Variants in HS1BP3 observed in about 807,000 individuals in gnomAD.
HS1BP3 encodes HCLS1 binding protein 3, also known as HCLS1-binding protein 3.
A neutral mutation model predicts 33.5 loss-of-function variants in HS1BP3; 32 were observed. The observed-to-expected ratio is 0.95, with a 90% confidence interval of 0.72 to 1.28. The LOEUF is 1.28. Ranked by LOEUF, HS1BP3 falls within the 50% of genes most tolerant of loss-of-function variation. The pLI, the probability that HS1BP3 is intolerant of heterozygous loss-of-function variation, is 0.00. For missense variants in HS1BP3, 486 were observed against 502.3 expected (o/e 0.97, Z 0.31); for synonymous variants, 187 against 209.2 (o/e 0.89, Z 0.92).
intron 1 of HS1BP3, among the ~76,000 whole-genome samples, chr2:20,646,561 A>G (rs1296245867): frequency 1.3e-5 from 2 of 152,214 alleles, no homozygotes. Flanking sequence ...ATGACACCCA[A>G]TGACTGAGTG....
chr2:20,595,562 C>T (rs1188882421), intron 3 of HS1BP3, among the ~76,000 whole-genome samples: 16 of 152,226 alleles, frequency 1.1e-4, no homozygotes, highest in Admixed American at 1.0e-3. Context: ...GTGATTCTGG[C>T]CACAGCCCGT....
Position 20,651,089 on chromosome 2 carries a change from G to T in HS1BP3, c.-26C>A, listed in dbSNP as rs751333236. 146 of 1,229,090 alleles carry T rather than the reference G, an allele frequency of 1.2e-4. No homozygotes were observed. Among genetic ancestry groups the T allele is most frequent in the Non-Finnish European group, 1.4e-4 (141 of 986,086 alleles). The allele number at this position is 1,229,090 out of a possible 1,614,324, so 76.1% of individuals were successfully genotyped here. ...GACGGCGGCGGGGACTCCGGGCGGG[G>T]CGCGCAGTCACGGGACCCGGCAGTG... On this transcript the variant is annotated 5_prime_UTR_variant, in exon 1 of 7. Transcript: ENST00000304031.
At chr2:20,599,816 C>G (rs1694031005) in intron 2 of HS1BP3, among the ~76,000 whole-genome samples, 1 of 152,158 alleles carries the variant, frequency 6.6e-6, no homozygotes, top group Admixed American at 6.5e-5. Context: ...AGCTCCTGTG[C>G]CTCAGTTTCC....
chr2:20,582,078 C>A (rs1693548074), intron 5 of HS1BP3, among the ~76,000 whole-genome samples: 1 of 152,208 alleles, frequency 6.6e-6, no homozygotes. Context: ...ATTACATTTG[C>A]AAAATCCCTT....
chr2:20,598,248 G>C (rs933673405), exon 3 of HS1BP3: 2 of 388,086 alleles, frequency 5.2e-6, no homozygotes, highest in South Asian at 3.4e-5. Context: ...TTGTTTGCCT[G>C]CAACTAGATG....
At chr2:20,589,739 C>T (rs973079668), downstream of HS1BP3, among the ~76,000 whole-genome samples, 1 of 152,176 alleles carries the variant, frequency 6.6e-6, no homozygotes, top group African/African-American at 2.4e-5. Context: ...CAGACCACAC[C>T]CTTCCTGAAC....
chr2:20,585,183 G>A (rs1027468574), intron 5 of HS1BP3, among the ~76,000 whole-genome samples: 2 of 152,178 alleles, frequency 1.3e-5, no homozygotes, highest in Non-Finnish European at 2.9e-5. Flanking sequence ...TTGACAAGTC[G>A]ATGGTTCTCC....
At chr2:20,580,349 T>C (rs1365007711) in intron 5 of HS1BP3, among the ~76,000 whole-genome samples, 1 of 152,128 alleles carries the variant, frequency 6.6e-6, no homozygotes, top group African/African-American at 2.4e-5. Context: ...TGAAACCTCG[T>C]CTCTACTAAA....
intron 2 of HS1BP3, 104 bp downstream of exon 2, chr2:20,645,236 G>A (rs1395826250): frequency 5.1e-6 from 6 of 1,180,712 alleles, no homozygotes; most frequent in Non-Finnish European, 7.2e-6. Flanking sequence ...AACAGACAGA[G>A]AAGCACTTGC....
At chr2:20,588,853 TC>T (rs1189248887), downstream of HS1BP3, among the ~76,000 whole-genome samples, 2 of 152,216 alleles carry the variant, frequency 1.3e-5, no homozygotes, top group Non-Finnish European at 2.9e-5. Flanking sequence ...CAGAGGCCTG[TC>T]CCCAAGGTCC....
chr2:20,648,555 T>C (rs1414843836), intron 1 of HS1BP3, among the ~76,000 whole-genome samples: 1 of 152,208 alleles, frequency 6.6e-6, no homozygotes, highest in Non-Finnish European at 1.5e-5. Context: ...CTGGCCACTC[T>C]TGCTCAAACA....
chr2:20,574,448 A>G (rs752199984), intron 5 of HS1BP3, among the ~76,000 whole-genome samples: 1 of 152,228 alleles, frequency 6.6e-6, no homozygotes, highest in Non-Finnish European at 1.5e-5. Context: ...TGTCTTATCC[A>G]TGGCTGCCTC....
At chr2:20,648,959 A>G (rs540360933) in intron 1 of HS1BP3, among the ~76,000 whole-genome samples, 8 of 152,332 alleles carry the variant, frequency 5.3e-5, no homozygotes, top group Admixed American at 2.0e-4. Context: ...TGAAAGCTCA[A>G]TCTTCAAAAT....
intron 3 of HS1BP3, among the ~76,000 whole-genome samples, chr2:20,597,292 C>A (rs1031818080): frequency 4.6e-5 from 7 of 152,234 alleles, no homozygotes; most frequent in African/African-American, 1.7e-4. Flanking sequence ...ATTCCCCTGG[C>A]AGCCTTGGAC....
At chr2:20,557,976 G>A (rs1692878702), downstream of HS1BP3, among the ~76,000 whole-genome samples, 1 of 152,240 alleles carries the variant, frequency 6.6e-6, no homozygotes, top group Admixed American at 6.5e-5. Context: ...GCAAAGCAGA[G>A]GGCACCAGGC....
rs1203858857 is a variant in HS1BP3, at chr2:20,624,872, T to C, written c.644A>G (p.His215Arg). The C allele has an allele frequency of 6.2e-7, 1 of 1,613,632 alleles. No individual in the cohort carries two copies. Among genetic ancestry groups the C allele is most frequent in the East Asian group, 2.2e-5 (1 of 44,874 alleles). Reference sequence around the variant, plus strand: ...CTTGGCTTTCACGGCCACTTTGGGATGTTTCTTGGGCTTCTTGGAGCTGGA... The same window carrying C: ...CTTGGCTTTCACGGCCACTTTGGGACGTTTCTTGGGCTTCTTGGAGCTGGA... ...GIMRSKKPKKHPKVAVKAKPS... is the reference protein window; with the variant it reads ...GIMRSKKPKKRPKVAVKAKPS... Residue 215 changes from histidine (H) to arginine (R), a missense_variant, in exon 5 of 7, where the codon CAT becomes CGT. Coordinates refer to ENST00000304031, the MANE Select transcript of HS1BP3 (RefSeq NM_022460.4).
downstream of HS1BP3, among the ~76,000 whole-genome samples, chr2:20,617,500 G>C (rs138295616): frequency 2.1e-3 from 313 of 152,228 alleles, no homozygotes; most frequent in African/African-American, 7.3e-3. Flanking sequence ...AGGACAGGGC[G>C]CCACAGCTGG....
chr2:20,572,050 G>A (rs1043909916), intron 5 of HS1BP3, among the ~76,000 whole-genome samples: 1 of 152,224 alleles, frequency 6.6e-6, no homozygotes, highest in Non-Finnish European at 1.5e-5. Flanking sequence ...CTAAGAGCAA[G>A]GGCTGGGACT....
chr2:20,562,085 G>A (rs924302130), intron 5 of HS1BP3, among the ~76,000 whole-genome samples: 2 of 152,176 alleles, frequency 1.3e-5, no homozygotes, highest in Admixed American at 6.5e-5. Flanking sequence ...GAATGCACCC[G>A]GACAAGGCAT....
Sources: gnomAD v4.1 joint callset for allele counts (sites outside exome capture counted in the v4.1 genomes callset) on GRCh38, gnomAD v4.1.1 for gene constraint, MANE v1.5 for transcripts, NCBI Gene and HGNC (gene_info 2026-07-23, HGNC 2026-07-21) for gene names.